The following PDE4D variants were observed in gnomAD, a reference collection of about 807,000 sequenced individuals.
PDE4D encodes 3',5'-cyclic-AMP phosphodiesterase 4D.
PDE4D carries 24 observed loss-of-function variants against 87.4 expected under a neutral mutation model. The ratio of observed to expected loss-of-function variants is 0.27; its 90% CI spans 0.20 to 0.39. The LOEUF (loss-of-function observed/expected upper bound fraction) is 0.39. PDE4D is among the 10% of genes least tolerant of loss of function. The pLI is 1.00. For missense variants in PDE4D, 714 were observed against 1,041.0 expected (o/e 0.69, Z 4.32); for synonymous variants, 384 against 383.2 (o/e 1.00, Z -0.02).
chr5:60,238,805 T>C lies in PDE4D; in HGVS notation c.-89-53118A>G, dbSNP rs117228899. Among the ~76,000 whole-genome samples, 49 of 152,186 alleles carry C rather than the reference T, an allele frequency of 3.2e-4. No homozygotes were observed. In the East Asian group the frequency reaches 8.3e-3, roughly 26 times the overall value. ...CCTATTCTGAAGTTTTTTAAAAATG[T>C]TGTTGGTGTTATTTGCTATTCAAAA... On this transcript the variant is annotated intron_variant, in intron 1 of 16. Transcript: ENST00000502484.
intron 1 of PDE4D, among the ~76,000 whole-genome samples, chr5:59,660,380 T>G (rs1302696559): frequency 6.6e-6 from 1 of 152,178 alleles, no homozygotes; most frequent in Non-Finnish European, 1.5e-5. Context: ...AGTTTTGTTT[T>G]TATGAAACCA....
chr5:59,205,698 A>C (rs867935319), intron 2 of PDE4D, among the ~76,000 whole-genome samples: 1 of 145,452 alleles, frequency 6.9e-6, no homozygotes, highest in African/African-American at 2.5e-5. Context: ...ACACACACAC[A>C]CCAATCCACA....
chr5:59,139,871 T>C (rs904539760), intron 5 of PDE4D, among the ~76,000 whole-genome samples: 1 of 152,158 alleles, frequency 6.6e-6, no homozygotes, highest in African/African-American at 2.4e-5. Flanking sequence ...GGGCTTTTCC[T>C]AGGATGACAG....
intron 1 of PDE4D, among the ~76,000 whole-genome samples, chr5:59,702,212 C>G (rs1350570678): frequency 2.0e-5 from 3 of 152,144 alleles, no homozygotes; most frequent in African/African-American, 4.8e-5. Flanking sequence ...CAAGCTCCCC[C>G]TCCCAGGTTC....
At chr5:59,344,720 C>T (rs1233669062) in intron 1 of PDE4D, among the ~76,000 whole-genome samples, 1 of 152,070 alleles carries the variant, frequency 6.6e-6, no homozygotes, top group Non-Finnish European at 1.5e-5. Flanking sequence ...TCAAATTTCA[C>T]GATGTGAAGT....
chr5:60,513,727 T>C (rs115047765), intron 1 of PDE4D, among the ~76,000 whole-genome samples: 2,072 of 152,032 alleles, frequency 0.014, 16 homozygotes, highest in Middle Eastern at 0.027. Context: ...AAAGAACATG[T>C]AGCTCAAAGA....
chr5:59,987,263 A>G (rs1215508822), intron 3 of PDE4D: 1 of 152,204 alleles, frequency 6.6e-6, no homozygotes, highest in Non-Finnish European at 1.5e-5. Flanking sequence ...AAAAATGTTC[A>G]GGTCAAGCTG....
intron 1 of PDE4D, among the ~76,000 whole-genome samples, chr5:59,344,591 G>T (rs1038351061): frequency 6.6e-6 from 1 of 151,974 alleles, no homozygotes; most frequent in Non-Finnish European, 1.5e-5. Context: ...TAGAAATGGG[G>T]TCTCACTCTG....
At chr5:59,704,392 C>T (rs908615051) in intron 1 of PDE4D, among the ~76,000 whole-genome samples, 3 of 152,324 alleles carry the variant, frequency 2.0e-5, no homozygotes, top group Non-Finnish European at 4.4e-5. Context: ...CCATCATCTA[C>T]AATGATGACA....
intron 1 of PDE4D, among the ~76,000 whole-genome samples, chr5:59,321,708 T>C (rs1481085176): frequency 6.6e-6 from 1 of 152,104 alleles, no homozygotes; most frequent in Non-Finnish European, 1.5e-5. Context: ...CACTGGTCAC[T>C]GCTAGCAGCA....
chr5:59,508,201 C>A (rs1326401624), intron 1 of PDE4D, among the ~76,000 whole-genome samples: 2 of 152,054 alleles, frequency 1.3e-5, no homozygotes, highest in Non-Finnish European at 2.9e-5. Context: ...AGAAAGAACT[C>A]ACATTCAGAC....
chr5:60,518,291 G>A (rs1422154405), intron 1 of PDE4D, among the ~76,000 whole-genome samples: 1 of 152,232 alleles, frequency 6.6e-6, no homozygotes, highest in Non-Finnish European at 1.5e-5. Context: ...GGCTGAGTGG[G>A]CAGAACCAGC....
chr5:59,169,241 T>C (rs1393712013), intron 5 of PDE4D, among the ~76,000 whole-genome samples: 1 of 152,182 alleles, frequency 6.6e-6, no homozygotes, highest in Non-Finnish European at 1.5e-5. Flanking sequence ...GCCTAGAATA[T>C]TTTTTAAGGC....
chr5:60,374,723 T>A (rs1362554769), intron 1 of PDE4D, among the ~76,000 whole-genome samples: 1 of 152,160 alleles, frequency 6.6e-6, no homozygotes, highest in Non-Finnish European at 1.5e-5. Context: ...TGTTCCCAGT[T>A]CAAAAGGGAA....
intron 1 of PDE4D, among the ~76,000 whole-genome samples, chr5:59,891,723 C>T (rs1750981148): frequency 6.6e-6 from 1 of 152,042 alleles, no homozygotes; most frequent in Non-Finnish European, 1.5e-5. Context: ...GATGTGTACA[C>T]ATCAGGGTTA....
intron 2 of PDE4D, among the ~76,000 whole-genome samples, chr5:59,199,983 T>C (rs1011060824): frequency 3.3e-5 from 5 of 150,898 alleles, no homozygotes; most frequent in Admixed American, 6.6e-5. Context: ...CATACATATA[T>C]ACACATGCAT....
chr5:59,209,621 A>G (rs1279530793), intron 2 of PDE4D, among the ~76,000 whole-genome samples: 20 of 152,214 alleles, frequency 1.3e-4, no homozygotes. Flanking sequence ...AATAGTTCCA[A>G]TTATTAAATA....
intron 2 of PDE4D, among the ~76,000 whole-genome samples, chr5:60,010,296 A>G (rs939952748): frequency 3.0e-4 from 46 of 152,330 alleles, no homozygotes; most frequent in African/African-American, 1.1e-3. Context: ...GTGAAGATTC[A>G]GTGAGATAAA....
At chr5:59,167,315 G>C (rs1210296343) in intron 5 of PDE4D, among the ~76,000 whole-genome samples, 2 of 152,090 alleles carry the variant, frequency 1.3e-5, no homozygotes, top group Non-Finnish European at 2.9e-5. Flanking sequence ...CAATGTTTGA[G>C]ATTTTTTTCT....
Sources: gnomAD v4.1 joint callset for allele counts (sites outside exome capture counted in the v4.1 genomes callset) on GRCh38, gnomAD v4.1.1 for gene constraint, MANE v1.5 for transcripts, NCBI Gene and HGNC (gene_info 2026-07-23, HGNC 2026-07-21) for gene names.